The following KLF14 variants were observed in gnomAD, a reference collection of about 807,000 sequenced individuals.
The protein encoded by KLF14 is KLF transcription factor 14, also known as Krueppel-like factor 14.
Under a neutral mutation model 16.2 loss-of-function variants are expected in KLF14, and 13 were observed. The observed-to-expected ratio is 0.80, with a 90% confidence interval of 0.52 to 1.28. The LOEUF is 1.28. Among genes scored for constraint, KLF14 ranks in the 50% most tolerant of loss-of-function variants. The pLI is 0.00. For missense variants in KLF14, 571 were observed against 493.4 expected (o/e 1.16, Z -1.49); for synonymous variants, 276 against 233.7 (o/e 1.18, Z -1.65).
rs529424792 is a variant in KLF14 at position 130,733,383 on chromosome 7, G to A, written c.651C>T (p.Arg217=). ...YKSSHLKSHQ[R]THTGERPFSC... ...AGAAAGGGCGCTCACCCGTGTGGGT[G>A]CGCTGGTGGGACTTGAGGTGCGACG... The change falls in exon 1 of 1, where the codon CGC becomes CGT. Residue 217 remains arginine (R), a synonymous_variant. Coordinates refer to ENST00000583337, the MANE Select transcript of KLF14 (RefSeq NM_138693.4). The surrounding 1 kb of genome is among the most constrained non-coding windows in gnomAD (Gnocchi z 5.2). 1 of 1,614,192 alleles carries A rather than the reference G, an allele frequency of 6.2e-7. No individual in the cohort carries two copies. The highest frequency in any genetic ancestry group is 1.7e-5 in the Admixed American group (1 of 60,030).
At position 130,733,746 on chromosome 7, in the gene KLF14, A is replaced by G; in HGVS notation, c.288T>C (p.Ser96=). The G allele has an allele frequency of 2.0e-6, 3 of 1,538,058 alleles. No homozygotes were observed. Among genetic ancestry groups the G allele is most frequent in the Non-Finnish European group, 2.6e-6 (3 of 1,149,744 alleles). ...CCGAGTTCTCCCAGGAGCCCTCGCCAGAGCTGCCGCGCAAGTCCGCCCAGA... is the reference window on the plus strand; with the variant it reads ...CCGAGTTCTCCCAGGAGCCCTCGCCGGAGCTGCCGCGCAAGTCCGCCCAGA... ...ASVWADLRGS[S]GEGSWENSGE... The change falls in exon 1 of 1, where the codon TCT becomes TCC. Residue 96 remains serine (S), a synonymous_variant. Transcript: ENST00000583337. The surrounding 1 kb of genome is among the most constrained non-coding windows in gnomAD (Gnocchi z 5.2).
In KLF14 at chr7:130,733,784, G is replaced by C; in HGVS notation, c.250C>G (p.Leu84Val). 6.7e-7 allele frequency: 1 copy of C among 1,495,774 alleles called. No homozygotes were observed. The highest frequency in any genetic ancestry group is 2.1e-5 in the Admixed American group (1 of 46,648). 92.7% of individuals were successfully genotyped at this position (1,495,774 alleles called of 1,614,324 possible). A position where few individuals can be genotyped will look rare whatever the true frequency, so the allele number is the denominator to read the frequency against. ...AAGTCCGCCCAGACGCTTGCAGCCAGCAGGTGGGGCGCGGCGCCGCCCGCG... is the reference window on the plus strand; with the variant it reads ...AAGTCCGCCCAGACGCTTGCAGCCACCAGGTGGGGCGCGGCGCCGCCCGCG... The part of the protein sequence containing the change: ...PGAGGAAPHL[L>V]AASVWADLRG... The change falls in exon 1 of 1, where the codon CTG (leucine) becomes GTG (valine). Residue 84 changes from leucine to valine, a missense_variant. Leu to Val is a conservative substitution (Grantham distance 32). Transcript: ENST00000583337. This position sits in a 1 kb window ranked among gnomAD's most constrained non-coding sequence, Gnocchi z 5.2.
Position 130,733,141 on chromosome 7 carries a change from G to T in KLF14, c.893C>A (p.Pro298Gln), listed in dbSNP as rs201434398. The T allele has an allele frequency of 5.1e-6, 8 of 1,577,968 alleles. No homozygotes were observed. In the East Asian group the frequency reaches 1.8e-4, roughly 36 times the overall value. The stretch of plus-strand genomic sequence containing the variant: ...GCTTTCCACCTCGCTGGTGAGTGGC[G>T]GGTCGATGCGGGGAGTTCGACGACG... ...RGRRRTPRIDPPLTSEVESSA... is the reference protein window; with the variant it reads ...RGRRRTPRIDQPLTSEVESSA... The change falls in exon 1 of 1, where the codon CCG becomes CAG. Residue 298 changes from proline to glutamine, a missense_variant. Physicochemically the swap from Pro to Gln is moderately conservative, Grantham distance 76. Coordinates refer to ENST00000583337, the MANE Select transcript of KLF14 (RefSeq NM_138693.4). The surrounding 1 kb of genome is among the most constrained non-coding windows in gnomAD (Gnocchi z 5.2).
At position 130,733,522 on chromosome 7, in the gene KLF14, A is replaced by G. The variant is rs1554470918; in HGVS notation, c.512T>C (p.Leu171Pro). ...CGCGGCGGGGGCGGGGCCTGCCCCT[A>G]GGGCCCCTCCAGAGAACCCACCAGA... ...AASGGFSGGA[L>P]GAGPAPAADQ... is the part of the protein sequence containing the mutation. The change falls in exon 1 of 1, where the codon CTA becomes CCA. Residue 171 changes from leucine to proline, a missense_variant. By Grantham distance (98) the Leu-to-Pro change is moderately conservative. Transcript: ENST00000583337. The surrounding 1 kb of genome is among the most constrained non-coding windows in gnomAD (Gnocchi z 5.2). 6.3e-7 allele frequency: 1 copy of G among 1,580,348 alleles called. No individual in the cohort carries two copies. The highest frequency in any genetic ancestry group is 1.1e-5 in the South Asian group (1 of 87,352).
Position 130,730,844 on chromosome 7 carries a change from C to T in KLF14, c.*2218G>A, listed in dbSNP as rs290796. On this transcript the variant is annotated 3_prime_UTR_variant, in exon 1 of 1. Coordinates refer to ENST00000583337, the MANE Select transcript of KLF14 (RefSeq NM_138693.4). ...ATGGCAGATCTTCAACTGAAAAGGA[C>T]AAAGAGGAAACAGTAGTCTTCAATA... Among the ~76,000 whole-genome samples, 21,456 of 152,178 alleles carry T rather than the reference C, an allele frequency of 0.14. 1,707 individuals are homozygous for T. Among genetic ancestry groups the T allele is most frequent in the Middle Eastern group, 0.23 (67 of 294 alleles).
Position 130,733,972 on chromosome 7 carries a change from G to A in KLF14, c.62C>T (p.Ala21Val). ...CGGGCGGCGGTGAACCACGGCGCCC[G>A]CGGACATGGACACCAGGCACTCGGC... ...FAAECLVSMSAGAVVHRRPPD... is the reference protein window; with the variant it reads ...FAAECLVSMSVGAVVHRRPPD... The change falls in exon 1 of 1, where the codon GCG becomes GTG. Residue 21 changes from alanine to valine, a missense_variant. Ala to Val is a moderately conservative substitution (Grantham distance 64). Transcript: ENST00000583337. This position sits in a 1 kb window ranked among gnomAD's most constrained non-coding sequence, Gnocchi z 5.2. 1 of 1,377,518 alleles carries A rather than the reference G, an allele frequency of 7.3e-7. No individual in the cohort carries two copies. Among genetic ancestry groups the A allele is most frequent in the Non-Finnish European group, 9.4e-7 (1 of 1,060,538 alleles). The allele number at this position is 1,377,518 out of a possible 1,614,324, so 85.3% of individuals were successfully genotyped here. A position where few individuals can be genotyped will look rare whatever the true frequency, so the allele number is the denominator to read the frequency against.
In KLF14 at chr7:130,733,217, G is replaced by A; in HGVS notation, c.817C>T (p.His273Tyr). The A allele has an allele frequency of 6.2e-7, 1 of 1,608,610 alleles. No individual in the cohort carries two copies. The highest frequency in any genetic ancestry group is 8.5e-7 in the Non-Finnish European group (1 of 1,177,630). Reference sequence around the variant, plus strand: ...TGATAGGTTGGGTGGCGGCGAGCATGCTTGGTCAGGTGGTCGCTCCGGGAG... The same window carrying A: ...TGATAGGTTGGGTGGCGGCGAGCATACTTGGTCAGGTGGTCGCTCCGGGAG... ...QFSRSDHLTK[H>Y]ARRHPTYHPD... Residue 273 changes from histidine to tyrosine, a missense_variant, in exon 1 of 1, where the codon CAT becomes TAT. By Grantham distance (83) the His-to-Tyr change is moderately conservative. Coordinates refer to ENST00000583337, the MANE Select transcript of KLF14 (RefSeq NM_138693.4). This position sits in a 1 kb window ranked among gnomAD's most constrained non-coding sequence, Gnocchi z 5.2.
Position 130,733,772 on chromosome 7 carries a change from C to T in KLF14, c.262G>A (p.Val88Ile), listed in dbSNP as rs1554471083. The change falls in exon 1 of 1, where the codon GTC becomes ATC. Residue 88 changes from valine to isoleucine, a missense_variant. Transcript: ENST00000583337. This position sits in a 1 kb window ranked among gnomAD's most constrained non-coding sequence, Gnocchi z 5.2. Reference sequence around the variant, plus strand: ...GAGCTGCCGCGCAAGTCCGCCCAGACGCTTGCAGCCAGCAGGTGGGGCGCG... The same window carrying T: ...GAGCTGCCGCGCAAGTCCGCCCAGATGCTTGCAGCCAGCAGGTGGGGCGCG... ...GAAPHLLAASVWADLRGSSGE... is the reference protein window; with the variant it reads ...GAAPHLLAASIWADLRGSSGE... 2.7e-6 allele frequency: 4 copies of T among 1,508,852 alleles called. No individual in the cohort carries two copies. Among genetic ancestry groups the T allele is most frequent in the Non-Finnish European group, 3.5e-6 (4 of 1,136,372 alleles). The allele number at this position is 1,508,852 out of a possible 1,614,324, so 93.5% of individuals were successfully genotyped here.
rs1554470757 is a variant in KLF14, at chr7:130,733,050, G to A, written c.*12C>T. ...ATCATCCTTGAGGGTAAGACTGACA[G>A]CAATGACTGTCCTACAGGCAGGTGG... On this transcript the variant is annotated 3_prime_UTR_variant, in exon 1 of 1. Coordinates refer to ENST00000583337, the MANE Select transcript of KLF14 (RefSeq NM_138693.4). The surrounding 1 kb of genome is among the most constrained non-coding windows in gnomAD (Gnocchi z 5.2). The A allele has an allele frequency of 1.3e-6, 2 of 1,544,910 alleles. No individual in the cohort carries two copies. The highest frequency in any genetic ancestry group is 1.4e-5 in the African/African-American group (1 of 72,766).
chr7:130,733,513 C>T lies in KLF14; in HGVS notation c.521G>A (p.Gly174Asp). 1 of 1,589,092 alleles carries T rather than the reference C, an allele frequency of 6.3e-7. No individual in the cohort carries two copies. The highest frequency in any genetic ancestry group is 8.6e-7 in the Non-Finnish European group (1 of 1,168,666). The change falls in exon 1 of 1, where the codon GGC becomes GAC. Residue 174 changes from glycine to aspartate, a missense_variant. Physicochemically the swap from Gly to Asp is moderately conservative, Grantham distance 94 (BLOSUM62 -1). Coordinates refer to ENST00000583337, the MANE Select transcript of KLF14 (RefSeq NM_138693.4). This position sits in a 1 kb window ranked among gnomAD's most constrained non-coding sequence, Gnocchi z 5.2. ...CGCCTGATCCGCGGCGGGGGCGGGGCCTGCCCCTAGGGCCCCTCCAGAGAA... is the reference window on the plus strand; with the variant it reads ...CGCCTGATCCGCGGCGGGGGCGGGGTCTGCCCCTAGGGCCCCTCCAGAGAA... The part of the protein sequence containing the change: ...GGFSGGALGA[G>D]PAPAADQAPR...
exon 1 of KLF14, chr7:130,734,201 GCCGCCCGCGCGGAGC>G (rs1245873996): frequency 5.6e-5 from 12 of 215,108 alleles, no homozygotes; most frequent in Non-Finnish European, 8.6e-5. This position sits in a 1 kb window ranked among gnomAD's most constrained non-coding sequence, Gnocchi z 4.4. Context: ...CGCTGCCGCC[GCCGCCCGCGCGGAGC>G]CCGCCCCGCC....
Position 130,731,882 on chromosome 7 carries a change from A to G in KLF14, c.*1180T>C, listed in dbSNP as rs1797193117. ...TGGAGGGACTATATGGTCAGAGGAG[A>G]AAGTTCCTCCTATTTCATAATAGCT... On this transcript the variant is annotated 3_prime_UTR_variant, in exon 1 of 1. Transcript: ENST00000583337. 1 of 152,114 alleles carries G rather than the reference A, an allele frequency of 6.6e-6. No homozygotes were observed. Among genetic ancestry groups the G allele is most frequent in the African/African-American group, 2.4e-5 (1 of 41,398 alleles). The allele number at this position is 152,114 out of a possible 1,614,324, so 9.4% of individuals were successfully genotyped here. A position where few individuals can be genotyped will look rare whatever the true frequency, so the allele number is the denominator to read the frequency against.
chr7:130,733,875 C>T lies in KLF14; in HGVS notation c.159G>A (p.Pro53=). The T allele has an allele frequency of 7.5e-7, 1 of 1,335,092 alleles. No homozygotes were observed. The highest frequency in any genetic ancestry group is 1.9e-5 in the South Asian group (1 of 52,050). The allele number at this position is 1,335,092 out of a possible 1,614,324, so 82.7% of individuals were successfully genotyped here. The change falls in exon 1 of 1, where the codon CCG becomes CCA. Residue 53 remains proline, a synonymous_variant. Transcript: ENST00000583337. This position sits in a 1 kb window ranked among gnomAD's most constrained non-coding sequence, Gnocchi z 5.2. The part of the protein sequence containing the change: ...VGAAPPESAL[P]GPGPPGPASV... ...ACGCGGGCCCCGGTGGCCCCGGACC[C>T]GGCAGAGCGGACTCCGGCGGCGCCG...
chr7:130,731,871 G>A lies in KLF14; in HGVS notation c.*1191C>T, dbSNP rs1797192723. ...AGGATATAACTTGGAGGGACTATAT[G>A]GTCAGAGGAGAAAGTTCCTCCTATT... On this transcript the variant is annotated 3_prime_UTR_variant, in exon 1 of 1. Coordinates refer to ENST00000583337, the MANE Select transcript of KLF14 (RefSeq NM_138693.4). 1 of 152,136 alleles carries A rather than the reference G, an allele frequency of 6.6e-6. No individual in the cohort carries two copies. The highest frequency in any genetic ancestry group is 1.5e-5 in the Non-Finnish European group (1 of 68,024). The allele number at this position is 152,136 out of a possible 1,614,324, so 9.4% of individuals were successfully genotyped here.
rs1554471037 is a variant in KLF14, at chr7:130,733,717, TC to T, written c.316del (p.Glu106LysfsTer66). Reference sequence around the variant, plus strand: ...GAAGCCGGACGAGGCGCGTGGAGCTTCCCCCGAGTTCTCCCAGGAGCCCTCG... The same window carrying T: ...GAAGCCGGACGAGGCGCGTGGAGCTTCCCCGAGTTCTCCCAGGAGCCCTCG... The part of the protein sequence containing the change: ...SGEGSWENSG[E>X]APRASSGFSD... On this transcript the variant is annotated frameshift_variant, in exon 1 of 1. Transcript: ENST00000583337. LOFTEE classifies it high-confidence loss of function. This position sits in a 1 kb window ranked among gnomAD's most constrained non-coding sequence, Gnocchi z 5.2. 3 of 1,558,922 alleles carry T rather than the reference TC, an allele frequency of 1.9e-6. No homozygotes were observed. Among genetic ancestry groups the T allele is most frequent in the Non-Finnish European group, 2.6e-6 (3 of 1,159,128 alleles).
At position 130,733,095 on chromosome 7, in the gene KLF14, GGGACCGGAGCC is replaced by G; in HGVS notation, c.928_938del (p.Gly310ArgfsTer72). ...AGGTGGTGAAGCTGGGCGCCGGGCC[GGGACCGGAGCC>G]GGAGGCGGAGCTTTCCACCTCGCTG... On this transcript the variant is annotated frameshift_variant, in exon 1 of 1. Coordinates refer to ENST00000583337, the MANE Select transcript of KLF14 (RefSeq NM_138693.4). LOFTEE classifies it high-confidence loss of function. This position sits in a 1 kb window ranked among gnomAD's most constrained non-coding sequence, Gnocchi z 5.2. 6.3e-7 allele frequency: 1 copy of G among 1,578,972 alleles called. No individual in the cohort carries two copies. Among genetic ancestry groups the G allele is most frequent in the Non-Finnish European group, 8.6e-7 (1 of 1,161,130 alleles).
chr7:130,732,914 A>T lies in KLF14; in HGVS notation c.*148T>A. The T allele has an allele frequency of 1.0e-6, 1 of 994,066 alleles. No homozygotes were observed. Among genetic ancestry groups the T allele is most frequent in the Non-Finnish European group, 1.4e-6 (1 of 696,978 alleles). The allele number at this position is 994,066 out of a possible 1,614,324, so 61.6% of individuals were successfully genotyped here. On this transcript the variant is annotated 3_prime_UTR_variant, in exon 1 of 1. Transcript: ENST00000583337. ...GGCCCCCAGTACCTCCCCAGAGTCC[A>T]CATGTCTGCCTGGACCCACCCTCAG...
At position 130,734,091 on chromosome 7, in the gene KLF14, G is replaced by A; in HGVS notation, c.-58C>T. 2 of 1,019,740 alleles carry A rather than the reference G, an allele frequency of 2.0e-6. No homozygotes were observed. The highest frequency in any genetic ancestry group is 4.3e-5 in the South Asian group (1 of 23,200). 63.2% of individuals were successfully genotyped at this position (1,019,740 alleles called of 1,614,324 possible). On this transcript the variant is annotated 5_prime_UTR_variant, in exon 1 of 1. Transcript: ENST00000583337. The surrounding 1 kb of genome is among the most constrained non-coding windows in gnomAD (Gnocchi z 4.4). ...CCGAACGCGGCCGGCCGCGGGCGAC[G>A]GAGTTCCCGGGAGCGTCCGTCCCGC...
Position 130,733,153 on chromosome 7 carries a change from G to A in KLF14, c.881C>T (p.Pro294Leu). ...GCTGGTGAGTGGCGGGTCGATGCGG[G>A]GAGTTCGACGACGTCCCCGGTACTC... Reference protein sequence around the residue: ...MIEYRGRRRTPRIDPPLTSEV... With the variant: ...MIEYRGRRRTLRIDPPLTSEV... Residue 294 changes from proline (P) to leucine (L), a missense_variant, in exon 1 of 1, where the codon CCC (proline) becomes CTC (leucine). Pro to Leu is a moderately conservative substitution (Grantham distance 98). Coordinates refer to ENST00000583337, the MANE Select transcript of KLF14 (RefSeq NM_138693.4). This position sits in a 1 kb window ranked among gnomAD's most constrained non-coding sequence, Gnocchi z 5.2. 6.3e-7 allele frequency: 1 copy of A among 1,581,494 alleles called. No homozygotes were observed. Among genetic ancestry groups the A allele is most frequent in the Non-Finnish European group, 8.6e-7 (1 of 1,162,664 alleles).
Sources: gnomAD v4.1 joint callset for allele counts (sites outside exome capture counted in the v4.1 genomes callset) on GRCh38, gnomAD v4.1.1 for gene constraint, Gnocchi (gnomAD v3.1) non-coding constraint, MANE v1.5 for transcripts, NCBI Gene and HGNC (gene_info 2026-07-23, HGNC 2026-07-21) for gene names.